CREBBP: variants seen among roughly 807,000 people sequenced by gnomAD.
CREBBP encodes CREB binding lysine acetyltransferase.
Under a neutral mutation model 265.0 loss-of-function variants are expected in CREBBP, and 19 were observed. The observed-to-expected ratio is 0.07, with a 90% CI of 0.05 to 0.11. The LOEUF (loss-of-function observed/expected upper bound fraction) is 0.11. Among genes scored for constraint, CREBBP ranks in the 10% least tolerant of loss-of-function variants. The pLI is 1.00. For missense variants in CREBBP, 2,525 were observed against 3,219.0 expected (o/e 0.78, Z 5.22); for synonymous variants, 1,457 against 1,223.7 (o/e 1.19, Z -3.98).
chr16:3,833,997 C>G (rs1224961677), intron 2 of CREBBP, among the ~76,000 whole-genome samples: 1 of 152,190 alleles, frequency 6.6e-6, no homozygotes, highest in Non-Finnish European at 1.5e-5. Flanking sequence ...AGAAGACACA[C>G]AGATGGCAAA....
In CREBBP at chr16:3,725,523, G is replaced by GT. The variant is rs1332018813; in HGVS notation, c.*2194dup. ...GGAAAAGATGAAGAGGACACTGGAG[G>GT]TTAAGAACCCAGCAGGCCGAGCAGT... is the stretch of plus-strand genomic sequence containing the variant. On this transcript the variant is annotated 3_prime_UTR_variant, in exon 31 of 31. Coordinates refer to ENST00000262367, the MANE Select transcript of CREBBP (RefSeq NM_004380.3). The GT allele has an allele frequency of 4.3e-6, 1 of 233,224 alleles. No homozygotes were observed. Among genetic ancestry groups the GT allele is most frequent in the Non-Finnish European group, 8.5e-6 (1 of 118,070 alleles). The allele number at this position is 233,224 out of a possible 1,614,324, so 14.4% of individuals were successfully genotyped here.
At chr16:3,754,535 G>C (rs1242836225) in intron 19 of CREBBP, among the ~76,000 whole-genome samples, 1 of 34,004 alleles carries the variant, frequency 2.9e-5, no homozygotes, top group Non-Finnish European at 4.4e-5. Flanking sequence ...TTTCAGGGTT[G>C]CTATAGTACC....
At chr16:3,764,969 T>G (rs529669000) in intron 16 of CREBBP, among the ~76,000 whole-genome samples, 2,816 of 143,294 alleles carry the variant, frequency 0.02, 43 homozygotes, top group African/African-American at 0.047. Flanking sequence ...TTTTTTTTTG[T>G]TTTGTTTTTG....
intron 2 of CREBBP, among the ~76,000 whole-genome samples, chr16:3,821,203 A>G (rs1346583181): frequency 2.0e-5 from 3 of 152,214 alleles, no homozygotes; most frequent in African/African-American, 2.4e-5. Context: ...TAAAAATCTG[A>G]TGACATTTTT....
At chr16:3,840,053 T>C (rs569143245) in intron 2 of CREBBP, among the ~76,000 whole-genome samples, 10 of 152,306 alleles carry the variant, frequency 6.6e-5, no homozygotes, top group Non-Finnish European at 1.3e-4. Flanking sequence ...AGGAATTATA[T>C]ACATCCCACA....
At chr16:3,806,637 C>T (rs1437793348) in intron 3 of CREBBP, among the ~76,000 whole-genome samples, 2 of 152,142 alleles carry the variant, frequency 1.3e-5, no homozygotes, top group Admixed American at 6.5e-5. Flanking sequence ...TTAAGCAAGA[C>T]GTCACCAAGA....
chr16:3,731,042 C>A lies in CREBBP; in HGVS notation c.5172+150G>T, dbSNP rs1314187036. 2.8e-5 allele frequency: 23 copies of A among 830,230 alleles called. No individual in the cohort carries two copies. The highest frequency in any genetic ancestry group is 4.2e-5 in the Non-Finnish European group (21 of 505,736). 51.4% of individuals were successfully genotyped at this position (830,230 alleles called of 1,614,324 possible). A position where few individuals can be genotyped will look rare whatever the true frequency, so the allele number is the denominator to read the frequency against. On this transcript the variant is annotated intron_variant, in intron 30 of 30. Transcript: ENST00000262367. The surrounding 1 kb of genome is among the most constrained non-coding windows in gnomAD (Gnocchi z 7.7). ...TTTAGGAAACACACACACAGCAACGCCTTCTGCCTTGTGACGCTGTCCTAG... is the reference window on the plus strand; with the variant it reads ...TTTAGGAAACACACACACAGCAACGACTTCTGCCTTGTGACGCTGTCCTAG...
intron 13 of CREBBP, among the ~76,000 whole-genome samples, chr16:3,771,567 C>T (rs192703084): frequency 2.6e-5 from 4 of 152,150 alleles, no homozygotes; most frequent in Admixed American, 6.5e-5. Context: ...CATATCCACT[C>T]GGATACATTC....
chr16:3,730,336 G>A (rs2051880332), intron 30 of CREBBP, among the ~76,000 whole-genome samples: 2 of 152,144 alleles, frequency 1.3e-5, no homozygotes, highest in Admixed American at 6.5e-5. Flanking sequence ...GCCAGACAGT[G>A]AAAGGCTGAG....
At chr16:3,868,473 T>C (rs1027198524) in intron 1 of CREBBP, among the ~76,000 whole-genome samples, 1 of 128,786 alleles carries the variant, frequency 7.8e-6, no homozygotes, top group Non-Finnish European at 1.8e-5. Context: ...TTCTGGAAAA[T>C]AAATCACAGG....
chr16:3,856,511 G>C (rs1274988892), intron 1 of CREBBP, among the ~76,000 whole-genome samples: 1 of 151,990 alleles, frequency 6.6e-6, no homozygotes, highest in African/African-American at 2.4e-5. Flanking sequence ...TGTAGAGATG[G>C]GGTCTTGCTA....
chr16:3,758,129 A>T, intron 17 of CREBBP, 81 bp from the exon 18 acceptor site: 1 of 1,474,898 alleles, frequency 6.8e-7, no homozygotes, highest in Non-Finnish European at 9.3e-7. Flanking sequence ...TTTGTTTTAA[A>T]ATAATAGAAA....
chr16:3,879,925 G>A lies in CREBBP; in HGVS notation c.-9C>T, dbSNP rs758552588. ...AGCAAGTTCTCAGCCATTTTCACCTGCTCGCGAAAACAGCCCCGGGCACGG... is the reference window on the plus strand; with the variant it reads ...AGCAAGTTCTCAGCCATTTTCACCTACTCGCGAAAACAGCCCCGGGCACGG... On this transcript the variant is annotated 5_prime_UTR_variant, in exon 1 of 31. Transcript: ENST00000262367. 1 of 1,610,808 alleles carries A rather than the reference G, an allele frequency of 6.2e-7. No individual in the cohort carries two copies. The highest frequency in any genetic ancestry group is 8.5e-7 in the Non-Finnish European group (1 of 1,178,604).
intron 3 of CREBBP, among the ~76,000 whole-genome samples, chr16:3,807,520 AGAC>A (rs1210158597): frequency 2.0e-5 from 3 of 152,262 alleles, no homozygotes; most frequent in African/African-American, 7.2e-5. Context: ...AAATTCAAAA[AGAC>A]TACAAAACAC....
intron 1 of CREBBP, among the ~76,000 whole-genome samples, chr16:3,852,985 C>CA (rs991194722): frequency 6.7e-6 from 1 of 148,870 alleles, no homozygotes; most frequent in Admixed American, 6.7e-5. Context: ...AAAAAAAGCA[C>CA]AAAAAATACC....
chr16:3,743,388 G>T (rs967146596), intron 23 of CREBBP: 3 of 152,230 alleles, frequency 2.0e-5, no homozygotes, highest in African/African-American at 7.2e-5. Context: ...CATAACTTTG[G>T]ATGTTGGTTA....
At chr16:3,819,125 G>A (rs547518166) in intron 2 of CREBBP, among the ~76,000 whole-genome samples, 3 of 152,362 alleles carry the variant, frequency 2.0e-5, no homozygotes, top group African/African-American at 7.2e-5. Context: ...GCCTCTTTCT[G>A]AAAAAACCAA....
intron 19 of CREBBP, among the ~76,000 whole-genome samples, chr16:3,755,607 G>T (rs1293136550): frequency 6.6e-6 from 1 of 152,106 alleles, no homozygotes; most frequent in Non-Finnish European, 1.5e-5. Context: ...ATACATCATG[G>T]GGTCTGCTGA....
chr16:3,876,124 G>C (rs572112719), intron 1 of CREBBP, among the ~76,000 whole-genome samples: 6 of 151,790 alleles, frequency 4.0e-5, no homozygotes, highest in Non-Finnish European at 8.8e-5. Flanking sequence ...CTGCAGCCTC[G>C]ACCTCCTGGG....
Sources: gnomAD v4.1 joint callset for allele counts (sites outside exome capture counted in the v4.1 genomes callset) on GRCh38, gnomAD v4.1.1 for gene constraint, Gnocchi (gnomAD v3.1) non-coding constraint, MANE v1.5 for transcripts, NCBI Gene and HGNC (gene_info 2026-07-23, HGNC 2026-07-21) for gene names.